The following ALK variants were observed in gnomAD, a reference collection of about 807,000 sequenced individuals.
ALK encodes the protein ALK receptor tyrosine kinase.
Under a neutral mutation model 163.1 loss-of-function variants are expected in ALK, and 74 were observed. The ratio of observed to expected loss-of-function variants is 0.45; its 90% CI spans 0.38 to 0.55. ALK has a LOEUF of 0.55. ALK is among the 20% of genes least tolerant of loss of function. The pLI is 0.00. For missense variants in ALK, 2,063 were observed against 2,105.3 expected (o/e 0.98, Z 0.39); for synonymous variants, 960 against 843.2 (o/e 1.14, Z -2.40).
chr2:29,664,542 T>A (rs774094438), intron 3 of ALK, among the ~76,000 whole-genome samples: 41 of 152,104 alleles, frequency 2.7e-4, no homozygotes, highest in Non-Finnish European at 5.3e-4. Flanking sequence ...ATCAGAGCAA[T>A]CTTGGCAAAA....
chr2:29,862,968 C>T (rs1666332655), intron 1 of ALK, among the ~76,000 whole-genome samples: 1 of 152,044 alleles, frequency 6.6e-6, no homozygotes, highest in South Asian at 2.1e-4. Flanking sequence ...CACACATTTC[C>T]AGTTAATTGA....
intron 4 of ALK, among the ~76,000 whole-genome samples, chr2:29,466,361 A>G (rs1671213945): frequency 6.6e-6 from 1 of 152,068 alleles, no homozygotes; most frequent in Admixed American, 6.6e-5. Flanking sequence ...ATAGACACAC[A>G]CACACTCTCA....
intron 2 of ALK, among the ~76,000 whole-genome samples, chr2:29,710,947 T>C (rs563310896): frequency 2.0e-5 from 3 of 152,298 alleles, no homozygotes; most frequent in Admixed American, 2.0e-4. Flanking sequence ...TTACGGTGGA[T>C]CTCACCACAT....
chr2:29,221,062 A>G (rs1482139451), intron 22 of ALK: 3 of 655,426 alleles, frequency 4.6e-6, no homozygotes, highest in South Asian at 4.5e-5. Context: ...TTTGCAGGAG[A>G]GTGGCTGGAG....
intron 21 of ALK, 43 bp downstream of exon 21, chr2:29,222,474 G>GT: frequency 6.2e-7 from 1 of 1,613,248 alleles, no homozygotes; most frequent in Non-Finnish European, 8.5e-7. Flanking sequence ...AGCCTACAGA[G>GT]TCCGCAAGCC....
At chr2:29,629,098 C>G (rs982354015) in intron 3 of ALK, among the ~76,000 whole-genome samples, 1 of 152,152 alleles carries the variant, frequency 6.6e-6, no homozygotes, top group African/African-American at 2.4e-5. Flanking sequence ...CTGCCTAGTT[C>G]TGCATACACA....
intron 5 of ALK, among the ~76,000 whole-genome samples, chr2:29,381,055 C>G (rs1050343177): frequency 5.3e-5 from 8 of 152,218 alleles, no homozygotes; most frequent in African/African-American, 1.9e-4. Flanking sequence ...ACCTCAGCCT[C>G]TTCCACAAAG....
Position 29,246,454 on chromosome 2 carries a change from C to G in ALK, c.2204+4651G>C, listed in dbSNP as rs1434203173. ...CGTTCTTCTCATGGCACTGCAGTGG[C>G]CTCCCACTCTCCCATCCGCTCCAGC... is the stretch of plus-strand genomic sequence containing the variant. On this transcript the variant is annotated intron_variant, in intron 12 of 28. Transcript: ENST00000389048. The surrounding 1 kb of genome is among the most constrained non-coding windows in gnomAD (Gnocchi z 4.3). 1.3e-5 allele frequency among the ~76,000 whole-genome samples: 2 copies of G among 152,150 alleles called. No individual in the cohort carries two copies. The highest frequency in any genetic ancestry group is 4.8e-5 in the African/African-American group (2 of 41,424).
At chr2:29,705,167 G>A (rs946946249) in intron 2 of ALK, among the ~76,000 whole-genome samples, 14 of 147,316 alleles carry the variant, frequency 9.5e-5, no homozygotes, top group South Asian at 2.2e-4. Flanking sequence ...GCAGTGAGCC[G>A]AGATTGTGCC....
At chr2:29,582,245 G>C (rs1006594137) in intron 3 of ALK, among the ~76,000 whole-genome samples, 12 of 152,200 alleles carry the variant, frequency 7.9e-5, no homozygotes, top group African/African-American at 1.4e-4. Flanking sequence ...CGGCCTTCCT[G>C]CTCAGGCAGT....
At chr2:29,823,959 A>T (rs910745502) in intron 1 of ALK, among the ~76,000 whole-genome samples, 4 of 152,126 alleles carry the variant, frequency 2.6e-5, no homozygotes, top group Non-Finnish European at 5.9e-5. Flanking sequence ...TCCTCCCCCC[A>T]TCACAGGCCC....
chr2:29,722,330 C>G (rs570852158), intron 1 of ALK, among the ~76,000 whole-genome samples: 35 of 152,318 alleles, frequency 2.3e-4, no homozygotes, highest in Non-Finnish European at 4.9e-4. Flanking sequence ...ACTGAAGACT[C>G]TTTGCTGACC....
intron 5 of ALK, among the ~76,000 whole-genome samples, chr2:29,352,426 C>A (rs1241518751): frequency 6.6e-6 from 1 of 152,234 alleles, no homozygotes; most frequent in Non-Finnish European, 1.5e-5. Flanking sequence ...GTGTAGGCCA[C>A]GGCTTGAGGC....
chr2:29,346,279 C>T (rs1667946517), intron 5 of ALK, among the ~76,000 whole-genome samples: 1 of 152,136 alleles, frequency 6.6e-6, no homozygotes. Context: ...GTGAGGATTG[C>T]GTCTATTTTC....
At chr2:29,897,900 C>A (rs1667311541) in intron 1 of ALK, among the ~76,000 whole-genome samples, 1 of 152,052 alleles carries the variant, frequency 6.6e-6, no homozygotes, top group Non-Finnish European at 1.5e-5. Context: ...CTAGTTCTAG[C>A]CCAGTGTGCA....
chr2:29,808,905 A>C (rs896204009), intron 1 of ALK, among the ~76,000 whole-genome samples: 1 of 152,174 alleles, frequency 6.6e-6, no homozygotes, highest in African/African-American at 2.4e-5. Flanking sequence ...ACCATTATTC[A>C]TCTTTATGTA....
At chr2:29,610,980 C>T (rs1181557339) in intron 3 of ALK, among the ~76,000 whole-genome samples, 2 of 152,122 alleles carry the variant, frequency 1.3e-5, no homozygotes, top group African/African-American at 4.8e-5. Flanking sequence ...TCCCAGATCC[C>T]CTTTGTTGCC....
At chr2:29,540,755 C>T (rs935910747) in intron 3 of ALK, among the ~76,000 whole-genome samples, 2 of 151,966 alleles carry the variant, frequency 1.3e-5, no homozygotes, top group South Asian at 4.2e-4. Flanking sequence ...AATTTTCTTC[C>T]ATTTTTCTAA....
intron 8 of ALK, among the ~76,000 whole-genome samples, chr2:29,304,325 G>T (rs1444380277): frequency 6.6e-6 from 1 of 152,132 alleles, no homozygotes; most frequent in Admixed American, 6.5e-5. Flanking sequence ...GTGAAACCCT[G>T]TCTCTACTAA....
Sources: gnomAD v4.1 joint callset for allele counts (sites outside exome capture counted in the v4.1 genomes callset) on GRCh38, gnomAD v4.1.1 for gene constraint, Gnocchi (gnomAD v3.1) non-coding constraint, MANE v1.5 for transcripts, NCBI Gene and HGNC (gene_info 2026-07-23, HGNC 2026-07-21) for gene names.